Variants in TDP1 observed in about 807,000 individuals in gnomAD.
The protein encoded by TDP1 is tyrosyl-DNA phosphodiesterase 1, also known as tyr-DNA phosphodiesterase 1.
In TDP1, 64 loss-of-function variants were observed where a neutral mutation model predicts 81.5. The ratio of observed to expected loss-of-function variants is 0.79; its 90% CI spans 0.64 to 0.97. TDP1 has a LOEUF of 0.97. TDP1 is among the 50% of genes least tolerant of loss of function. The pLI is 0.00. For synonymous variants in TDP1, 256 were observed against 264.3 expected, an observed-to-expected ratio of 0.97 and a Z score of 0.30; for missense variants, 723 against 743.8, an observed-to-expected ratio of 0.97 and a Z score of 0.33.
intron 13 of TDP1, 111 bp downstream of exon 13, chr14:89,992,094 T>TACATAAAGTTC: frequency 1.1e-6 from 1 of 892,188 alleles, no homozygotes; most frequent in Non-Finnish European, 1.8e-6. Flanking sequence ...ATAGCTATAT[T>TACATAAAGTTC]CTTTCATCTA....
At chr14:90,010,587 C>G (rs1884587382) in intron 14 of TDP1, among the ~76,000 whole-genome samples, 1 of 152,006 alleles carries the variant, frequency 6.6e-6, no homozygotes, top group South Asian at 2.1e-4. Flanking sequence ...AGAGAGAGAG[C>G]ACTGCATGAA....
intron 16 of TDP1, among the ~76,000 whole-genome samples, chr14:90,042,373 C>T (rs535213707): frequency 1.3e-5 from 2 of 152,184 alleles, no homozygotes; most frequent in African/African-American, 4.8e-5. Flanking sequence ...TCTCAGTCCT[C>T]GTGACAGCTC....
intron 16 of TDP1, among the ~76,000 whole-genome samples, chr14:90,036,049 T>C (rs1031834449): frequency 4.6e-5 from 7 of 152,222 alleles, no homozygotes; most frequent in Admixed American, 3.3e-4. Context: ...ATCTTTTATT[T>C]GGCCAGCAAG....
At chr14:90,027,604 T>C (rs1300190629) in intron 15 of TDP1, among the ~76,000 whole-genome samples, 7 of 152,168 alleles carry the variant, frequency 4.6e-5, no homozygotes, top group Admixed American at 2.6e-4. Context: ...GGTAAGAGAA[T>C]ATGGGGAAAC....
intron 7 of TDP1, among the ~76,000 whole-genome samples, chr14:89,977,512 G>A (rs1361180529): frequency 6.6e-6 from 1 of 150,942 alleles, no homozygotes; most frequent in Non-Finnish European, 1.5e-5. Flanking sequence ...TGGCCAGGCT[G>A]GTCTCGAACT....
chr14:90,018,970 T>C (rs1885643277), intron 14 of TDP1: 5 of 983,006 alleles, frequency 5.1e-6, no homozygotes, highest in South Asian at 4.7e-5. Flanking sequence ...GCTAGTTTTA[T>C]GTACAACAAA....
chr14:89,972,073 C>T (rs1398349278), intron 6 of TDP1, among the ~76,000 whole-genome samples: 1 of 152,080 alleles, frequency 6.6e-6, no homozygotes, highest in Non-Finnish European at 1.5e-5. Context: ...TTTGCTAGGA[C>T]CAAAGCAAAG....
chr14:90,026,921 C>T (rs1230704275), intron 15 of TDP1, among the ~76,000 whole-genome samples: 5 of 152,164 alleles, frequency 3.3e-5, no homozygotes, highest in East Asian at 3.9e-4. Flanking sequence ...AATAAACATA[C>T]GTGTGCATGT....
chr14:90,033,441 T>G, intron 16 of TDP1: 1 of 588,500 alleles, frequency 1.7e-6, no homozygotes, highest in Admixed American at 2.6e-5. Context: ...TGACTTACAC[T>G]GGGGCTACAT....
chr14:89,989,198 T>A, intron 11 of TDP1, 108 bp downstream of exon 11: 1 of 1,311,578 alleles, frequency 7.6e-7, no homozygotes, highest in South Asian at 1.4e-5. Context: ...TGTGATTCTT[T>A]TTTTTTTTTT....
At chr14:90,033,073 G>C in intron 15 of TDP1, 33 bp from the exon 16 acceptor site, 2 of 1,405,088 alleles carry the variant, frequency 1.4e-6, no homozygotes, top group Non-Finnish European at 1.0e-6. Context: ...AGAAAATGGG[G>C]TGCAATCATA....
Position 89,963,172 on chromosome 14 carries a change from G to T in TDP1, c.58G>T (p.Glu20Ter), listed in dbSNP as rs759728655. 1.2e-6 allele frequency: 2 copies of T among 1,614,128 alleles called. No individual in the cohort carries two copies. Among genetic ancestry groups the T allele is most frequent in the Non-Finnish European group, 1.7e-6 (2 of 1,180,018 alleles). Reference sequence around the variant, plus strand: ...CATATCTAGTAGTGATGAAAGTGAGGAAGAAAAGCCAAAACCAGACAAGCC... The same window carrying T: ...CATATCTAGTAGTGATGAAAGTGAGTAAGAAAAGCCAAAACCAGACAAGCC... The part of the protein sequence containing the change: ...WTISSSDESE[E>*]EKPKPDKPST... The change falls in exon 3 of 17, where the codon GAA becomes TAA. Residue 20 changes from glutamate to a stop codon, truncating the protein, a stop_gained. Transcript: ENST00000335725. LOFTEE classifies it high-confidence loss of function.
chr14:89,971,181 G>C lies in TDP1; in HGVS notation c.666G>C (p.Lys222Asn). The stretch of plus-strand genomic sequence containing the variant: ...ACTAATGCTCTCTTTTTAGGAAGAA[G>C]CCAATCCTGCTTGTGCATGGTGATA... ...VKQYPPEFRKKPILLVHGDKR... is the reference protein window; with the variant it reads ...VKQYPPEFRKNPILLVHGDKR... The change falls in exon 6 of 17, where the codon AAG becomes AAC. Residue 222 changes from lysine to asparagine, a missense_variant. Coordinates refer to ENST00000335725, the MANE Select transcript of TDP1 (RefSeq NM_018319.4). 2 of 1,613,818 alleles carry C rather than the reference G, an allele frequency of 1.2e-6. No individual in the cohort carries two copies. The highest frequency in any genetic ancestry group is 3.3e-5 in the Admixed American group (2 of 60,022).
chr14:89,991,555 T>C (rs1309492507), intron 12 of TDP1: 5 of 984,872 alleles, frequency 5.1e-6, no homozygotes, highest in African/African-American at 1.7e-5. Context: ...GTTGAATGGG[T>C]TTCTAAAAAG....
chr14:89,961,018 A>C (rs767662688), intron 2 of TDP1, among the ~76,000 whole-genome samples: 13 of 152,252 alleles, frequency 8.5e-5, no homozygotes, highest in Middle Eastern at 6.8e-3. Context: ...CATCCCAGGG[A>C]GGAGAGGGTA....
chr14:89,982,526 A>T (rs1895096596), intron 8 of TDP1, among the ~76,000 whole-genome samples: 1 of 152,162 alleles, frequency 6.6e-6, no homozygotes, highest in Admixed American at 6.5e-5. Context: ...CAAGAATCCC[A>T]CCCTGGGCCT....
chr14:90,010,560 G>A (rs76675419), intron 14 of TDP1, among the ~76,000 whole-genome samples: 1 of 151,914 alleles, frequency 6.6e-6, no homozygotes, highest in African/African-American at 2.4e-5. Context: ...ACTTAAAAGT[G>A]GAAGAGGGAC....
At chr14:89,968,139 A>G (rs1893163779) in intron 5 of TDP1, among the ~76,000 whole-genome samples, 1 of 150,694 alleles carries the variant, frequency 6.6e-6, no homozygotes, top group African/African-American at 2.5e-5. Context: ...AAAATTTTTC[A>G]AGCAGCTTTG....
chr14:90,029,908 CTTATAA>C (rs983738393), intron 15 of TDP1, among the ~76,000 whole-genome samples: 2 of 152,170 alleles, frequency 1.3e-5, no homozygotes, highest in African/African-American at 4.8e-5. Context: ...CCTGAAAATA[CTTATAA>C]TTATACTCAT....
Sources: gnomAD v4.1 joint callset for allele counts (sites outside exome capture counted in the v4.1 genomes callset) on GRCh38, gnomAD v4.1.1 for gene constraint, MANE v1.5 for transcripts, NCBI Gene and HGNC (gene_info 2026-07-23, HGNC 2026-07-21) for gene names.